PKN2: variants seen among roughly 807,000 people sequenced by gnomAD.
PKN2 encodes serine/threonine-protein kinase N2.
In PKN2, 38 loss-of-function variants were observed where a neutral mutation model predicts 119.1. The ratio of observed to expected loss-of-function variants is 0.32; its 90% confidence interval spans 0.25 to 0.42. The LOEUF (loss-of-function observed/expected upper bound fraction) is 0.42. Among genes scored for constraint, PKN2 ranks in the 10% least tolerant of loss-of-function variants. PKN2 has a pLI of 1.00. For missense variants in PKN2, 850 were observed against 1,165.1 expected (o/e 0.73, Z 3.94); for synonymous variants, 390 against 384.9 (o/e 1.01, Z -0.15).
rs964289886 is a variant in PKN2 at position 88,835,348 on chromosome 1, T to C, written c.*1900T>C. The C allele has an allele frequency of 1.3e-5, 2 of 152,476 alleles. No homozygotes were observed. Among genetic ancestry groups the C allele is most frequent in the African/African-American group, 4.8e-5 (2 of 41,450 alleles). The allele number at this position is 152,476 out of a possible 1,614,324, so 9.4% of individuals were successfully genotyped here. A position where few individuals can be genotyped will look rare whatever the true frequency, so the allele number is the denominator to read the frequency against. ...CATTAAAATAAAACACTAAATACTTTTGAGGTACAGTCTGCTCACTTTTTT... is the reference window on the plus strand; with the variant it reads ...CATTAAAATAAAACACTAAATACTTCTGAGGTACAGTCTGCTCACTTTTTT... On this transcript the variant is annotated 3_prime_UTR_variant, in exon 22 of 22. Coordinates refer to ENST00000370521, the MANE Select transcript of PKN2 (RefSeq NM_006256.4).
At chr1:88,712,767 GTTTAT>G (rs540194435) in intron 1 of PKN2, among the ~76,000 whole-genome samples, 33 of 152,080 alleles carry the variant, frequency 2.2e-4, no homozygotes, top group South Asian at 1.0e-3. Flanking sequence ...TAGTAGTTTC[GTTTAT>G]TTTATTTTAT....
At chr1:88,800,972 T>C (rs1277329098) in intron 8 of PKN2, among the ~76,000 whole-genome samples, 2 of 152,310 alleles carry the variant, frequency 1.3e-5, no homozygotes, top group East Asian at 1.9e-4. Flanking sequence ...TTACTCCGTC[T>C]AGAATATCGT....
At chr1:88,831,303 C>T (rs1672724421) in intron 19 of PKN2, among the ~76,000 whole-genome samples, 1 of 151,430 alleles carries the variant, frequency 6.6e-6, no homozygotes, top group Non-Finnish European at 1.5e-5. Context: ...GCTGTTCAGA[C>T]TTGTAGAATG....
chr1:88,724,092 A>C (rs1025542349), intron 1 of PKN2, among the ~76,000 whole-genome samples: 1 of 152,222 alleles, frequency 6.6e-6, no homozygotes, highest in African/African-American at 2.4e-5. Flanking sequence ...GTTAAGTTAG[A>C]TAACTATTTA....
At chr1:88,783,669 A>G (rs1234478918) in intron 6 of PKN2, among the ~76,000 whole-genome samples, 1 of 152,226 alleles carries the variant, frequency 6.6e-6, no homozygotes, top group Non-Finnish European at 1.5e-5. Flanking sequence ...TAAAATGTTA[A>G]TACGGAAGCA....
Position 88,684,619 on chromosome 1 carries a change from G to T in PKN2, c.39G>T (p.Thr13=). 1 of 1,563,032 alleles carries T rather than the reference G, an allele frequency of 6.4e-7. No homozygotes were observed. Among genetic ancestry groups the T allele is most frequent in the East Asian group, 2.5e-5 (1 of 40,308 alleles). ...CCGAACGGGGGGAGATTCTGCTCACGGAACTGCAGGTAAGGGCCGCGGCCC... is the reference window on the plus strand; with the variant it reads ...CCGAACGGGGGGAGATTCTGCTCACTGAACTGCAGGTAAGGGCCGCGGCCC... ...SNPERGEILL[T]ELQGDSRSLP... The change falls in exon 1 of 22, where the codon ACG becomes ACT. Residue 13 remains threonine (T), a synonymous_variant. Coordinates refer to ENST00000370521, the MANE Select transcript of PKN2 (RefSeq NM_006256.4).
At chr1:88,800,488 C>T (rs1356312682) in intron 8 of PKN2, among the ~76,000 whole-genome samples, 1 of 152,020 alleles carries the variant, frequency 6.6e-6, no homozygotes, top group African/African-American at 2.4e-5. Context: ...TGTTGAAAAC[C>T]CACCTTAGCA....
chr1:88,764,414 TA>T (rs1669575130), intron 3 of PKN2, among the ~76,000 whole-genome samples: 1 of 152,204 alleles, frequency 6.6e-6, no homozygotes, highest in South Asian at 2.1e-4. Flanking sequence ...CACCTTAAAT[TA>T]CAATTTATGT....
chr1:88,784,945 A>G, intron 7 of PKN2, 121 bp downstream of exon 7: 1 of 513,896 alleles, frequency 1.9e-6, no homozygotes, highest in Admixed American at 4.2e-5. Flanking sequence ...TTAATTAAAA[A>G]ATATTAAAAC....
At chr1:88,717,008 A>G (rs897240758) in intron 1 of PKN2, among the ~76,000 whole-genome samples, 5 of 152,292 alleles carry the variant, frequency 3.3e-5, no homozygotes, top group South Asian at 2.1e-4. Context: ...AGAATCTCTC[A>G]GCATTTGCTT....
chr1:88,821,918 T>G (rs769250056), intron 16 of PKN2, 23 bp from the exon 17 acceptor site: 2 of 1,540,716 alleles, frequency 1.3e-6, no homozygotes, highest in Non-Finnish European at 1.7e-6. Flanking sequence ...ATTAAACTCC[T>G]GTTGATTTAA....
At chr1:88,793,253 G>T (rs1670921119) in intron 8 of PKN2, among the ~76,000 whole-genome samples, 2 of 152,134 alleles carry the variant, frequency 1.3e-5, no homozygotes, top group South Asian at 4.1e-4. Flanking sequence ...ATAGATTTGT[G>T]TATTTTATGG....
At chr1:88,733,101 T>G (rs898263564) in intron 1 of PKN2, among the ~76,000 whole-genome samples, 4 of 152,224 alleles carry the variant, frequency 2.6e-5, no homozygotes, top group Non-Finnish European at 5.9e-5. Flanking sequence ...TGATAGACAT[T>G]TAGGTTGATT....
intron 3 of PKN2, among the ~76,000 whole-genome samples, chr1:88,765,357 T>A (rs1056490798): frequency 6.6e-6 from 1 of 151,522 alleles, no homozygotes; most frequent in Non-Finnish European, 1.5e-5. Flanking sequence ...AAATTTGGGG[T>A]TCTTACTAGC....
chr1:88,761,850 G>C (rs1433040376), intron 3 of PKN2, among the ~76,000 whole-genome samples: 2 of 151,906 alleles, frequency 1.3e-5, no homozygotes, highest in African/African-American at 2.4e-5. Flanking sequence ...GTTATTTTTT[G>C]TGCTGTTATT....
chr1:88,720,499 T>C (rs1667630740), intron 1 of PKN2, among the ~76,000 whole-genome samples: 1 of 152,068 alleles, frequency 6.6e-6, no homozygotes, highest in South Asian at 2.1e-4. Flanking sequence ...ATTTCCAAAA[T>C]GCTCCTAGGA....
At chr1:88,694,994 G>A (rs550899462) in intron 1 of PKN2, among the ~76,000 whole-genome samples, 1 of 152,148 alleles carries the variant, frequency 6.6e-6, no homozygotes, top group Non-Finnish European at 1.5e-5. Context: ...GGGCGTGGTG[G>A]CGGGCGCCTG....
At chr1:88,824,757 T>A (rs1483341004) in intron 18 of PKN2, among the ~76,000 whole-genome samples, 1 of 152,196 alleles carries the variant, frequency 6.6e-6, no homozygotes, top group African/African-American at 2.4e-5. Context: ...CATTTAAAAA[T>A]AGAAAATAAA....
chr1:88,813,007 C>A (rs1671841968), intron 15 of PKN2, among the ~76,000 whole-genome samples: 1 of 152,006 alleles, frequency 6.6e-6, no homozygotes. Flanking sequence ...ATAATAGTGC[C>A]TTAATCTGTA....
Sources: gnomAD v4.1 joint callset for allele counts (sites outside exome capture counted in the v4.1 genomes callset) on GRCh38, gnomAD v4.1.1 for gene constraint, MANE v1.5 for transcripts, NCBI Gene and HGNC (gene_info 2026-07-23, HGNC 2026-07-21) for gene names.